Variants in PUM1 observed in about 807,000 individuals in gnomAD.
PUM1 encodes the protein pumilio homolog 1.
In PUM1, 13 loss-of-function variants were observed where a neutral mutation model predicts 131.8. The observed-to-expected ratio is 0.10, with a 90% CI of 0.06 to 0.16. The LOEUF (loss-of-function observed/expected upper bound fraction) is 0.16. Among genes scored for constraint, PUM1 ranks in the 10% least tolerant of loss-of-function variants. PUM1 has a pLI of 1.00. For missense variants in PUM1, 961 were observed against 1,512.4 expected (o/e 0.64, Z 6.05); for synonymous variants, 509 against 556.5 (o/e 0.91, Z 1.20).
At chr1:31,038,546 G>A (rs1454597181) in intron 2 of PUM1, among the ~76,000 whole-genome samples, 2 of 152,142 alleles carry the variant, frequency 1.3e-5, no homozygotes, top group Non-Finnish European at 2.9e-5. Flanking sequence ...GTCTAGCACA[G>A]TATCAAAAAC....
At chr1:31,063,567 G>A (rs1212947221) in intron 1 of PUM1, among the ~76,000 whole-genome samples, 1 of 151,864 alleles carries the variant, frequency 6.6e-6, no homozygotes, top group Admixed American at 6.6e-5. Context: ...TCACCACTAC[G>A]CAATACACGC....
chr1:30,993,167 T>C (rs1641856431), intron 6 of PUM1, among the ~76,000 whole-genome samples: 1 of 152,184 alleles, frequency 6.6e-6, no homozygotes, highest in Non-Finnish European at 1.5e-5. Flanking sequence ...TTGGTATTAC[T>C]GACCAATGTT....
chr1:31,014,383 G>A (rs918745558), intron 3 of PUM1, among the ~76,000 whole-genome samples: 17 of 151,536 alleles, frequency 1.1e-4, no homozygotes, highest in African/African-American at 3.9e-4. Context: ...AGTGGCTCAT[G>A]CTTGTAACCC....
At chr1:31,038,978 A>ATT (rs1557599225) in intron 2 of PUM1, among the ~76,000 whole-genome samples, 2 of 30,032 alleles carry the variant, frequency 6.7e-5, no homozygotes, top group East Asian at 1.0e-3. Context: ...ATATATATAT[A>ATT]TATATATTTT....
At chr1:31,029,930 A>G (rs1298820494) in intron 2 of PUM1, among the ~76,000 whole-genome samples, 1 of 148,854 alleles carries the variant, frequency 6.7e-6, no homozygotes, top group African/African-American at 2.4e-5. Context: ...AAAAAAAAAA[A>G]AAAGGCTGGG....
At chr1:30,992,260 G>T in intron 7 of PUM1, 130 bp downstream of exon 7, 1 of 1,243,448 alleles carries the variant, frequency 8.0e-7, no homozygotes, top group Non-Finnish European at 1.1e-6. Flanking sequence ...ATCACTAACA[G>T]GTTCACAAGG....
chr1:31,057,533 C>A (rs943581889), intron 2 of PUM1, among the ~76,000 whole-genome samples: 3 of 150,286 alleles, frequency 2.0e-5, no homozygotes, highest in Non-Finnish European at 4.4e-5. Flanking sequence ...AAGACCAGCC[C>A]GGCCAACATG....
chr1:30,951,005 T>C (rs1449590837), intron 16 of PUM1, among the ~76,000 whole-genome samples: 1 of 152,178 alleles, frequency 6.6e-6, no homozygotes, highest in African/African-American at 2.4e-5. Context: ...ATCAGTAGAA[T>C]CAAGAAGTGA....
intron 5 of PUM1, among the ~76,000 whole-genome samples, chr1:31,001,020 A>G (rs1642191028): frequency 6.6e-6 from 1 of 152,002 alleles, no homozygotes. Flanking sequence ...CCCCATCTCT[A>G]CTAAAAATAC....
chr1:31,043,314 T>C (rs750578345), intron 2 of PUM1, among the ~76,000 whole-genome samples: 5 of 152,084 alleles, frequency 3.3e-5, no homozygotes, highest in Non-Finnish European at 7.4e-5. Context: ...GTGATTCTCC[T>C]GCCTCAGCCA....
At chr1:31,065,493 C>T in intron 1 of PUM1, 123 bp downstream of exon 1, 1 of 1,206,406 alleles carries the variant, frequency 8.3e-7, no homozygotes. Flanking sequence ...CAGCCAGGGC[C>T]CCGGCGGCTT....
At chr1:31,042,702 C>A (rs1296622467) in intron 2 of PUM1, among the ~76,000 whole-genome samples, 1 of 152,186 alleles carries the variant, frequency 6.6e-6, no homozygotes, top group Admixed American at 6.5e-5. Flanking sequence ...AATATAAACA[C>A]TTTGCAGTAC....
chr1:30,947,247 C>T (rs1040002684), intron 17 of PUM1, among the ~76,000 whole-genome samples: 3 of 152,198 alleles, frequency 2.0e-5, no homozygotes, highest in Non-Finnish European at 4.4e-5. Context: ...ATCCTGAACA[C>T]CCCACCTCTG....
chr1:30,986,838 A>G (rs1421890254), intron 7 of PUM1, among the ~76,000 whole-genome samples: 2 of 152,226 alleles, frequency 1.3e-5, no homozygotes, highest in Non-Finnish European at 2.9e-5. Flanking sequence ...GAGAAAGTTG[A>G]GCATATTAAA....
chr1:31,042,830 C>T lies in PUM1; in HGVS notation c.364-13966G>A, dbSNP rs56668228. Among the ~76,000 whole-genome samples, 997 of 152,272 alleles carry T rather than the reference C, an allele frequency of 6.5e-3. 11 individuals are homozygous for T. Among genetic ancestry groups the T allele is most frequent in the African/African-American group, 0.023 (955 of 41,554 alleles). ...CCCAGGCTGGAGTGCAGTAGCACGA[C>T]GTCGGCTCACTGCAGACTCCACCTC... On this transcript the variant is annotated intron_variant, in intron 2 of 21. Coordinates refer to ENST00000426105, the MANE Select transcript of PUM1 (RefSeq NM_001020658.2).
intron 1 of PUM1, among the ~76,000 whole-genome samples, chr1:31,063,050 C>T (rs1644403731): frequency 6.6e-6 from 1 of 152,164 alleles, no homozygotes; most frequent in Admixed American, 6.6e-5. Flanking sequence ...GTTTCACCAT[C>T]GGTCTTTCAA....
intron 9 of PUM1, among the ~76,000 whole-genome samples, chr1:30,975,517 ATTTT>A (rs751510345): frequency 3.6e-5 from 3 of 84,162 alleles, no homozygotes; most frequent in Non-Finnish European, 4.6e-5. Flanking sequence ...TACCTGACTA[ATTTT>A]TTTTTTTTTT....
chr1:30,936,878 C>G (rs760889372), intron 20 of PUM1, 43 bp from the exon 21 acceptor site: 2 of 1,499,932 alleles, frequency 1.3e-6, no homozygotes, highest in Non-Finnish European at 1.8e-6. Context: ...CAAGAGAGGC[C>G]CCTGTTAGTG....
intron 3 of PUM1, among the ~76,000 whole-genome samples, chr1:31,019,178 C>T (rs1642930453): frequency 6.6e-6 from 1 of 152,054 alleles, no homozygotes; most frequent in Non-Finnish European, 1.5e-5. Context: ...TATGGTGAAA[C>T]CCCGCCTCCA....
Sources: allele counts gnomAD v4.1 joint callset (sites outside exome capture counted in the v4.1 genomes callset), GRCh38; gene constraint gnomAD v4.1.1; transcripts MANE v1.5; gene names NCBI Gene and HGNC (gene_info 2026-07-23, HGNC 2026-07-21).